SWT1: variants seen among roughly 807,000 people sequenced by gnomAD.
SWT1 encodes the protein SWT1 RNA endoribonuclease homolog.
In SWT1, 33 loss-of-function variants were observed where a neutral mutation model predicts 107.3. That is an observed-to-expected ratio of 0.31 (90% confidence interval 0.23 to 0.41). The LOEUF is 0.41. Ranked by LOEUF, SWT1 falls within the 10% of genes least tolerant of loss-of-function variation. The pLI, the probability that SWT1 is intolerant of heterozygous loss-of-function variation, is 1.00. For missense variants in SWT1, 898 were observed against 1,028.9 expected, an observed-to-expected ratio of 0.87 and a Z score of 1.74; for synonymous variants, 345 against 348.3, an observed-to-expected ratio of 0.99 and a Z score of 0.11.
intron 15 of SWT1, among the ~76,000 whole-genome samples, chr1:185,230,961 C>G (rs1660468532): frequency 6.6e-6 from 1 of 152,142 alleles, no homozygotes; most frequent in Non-Finnish European, 1.5e-5. Context: ...GTTGCCTAGG[C>G]AGGTCTCAAA....
At chr1:185,162,945 G>A (rs191314245) in intron 2 of SWT1, among the ~76,000 whole-genome samples, 4 of 151,714 alleles carry the variant, frequency 2.6e-5, no homozygotes, top group African/African-American at 7.2e-5. Context: ...GAGCAGCAGA[G>A]CAAGACCCCA....
intron 18 of SWT1, among the ~76,000 whole-genome samples, chr1:185,279,623 A>G (rs978730162): frequency 6.6e-6 from 1 of 151,784 alleles, no homozygotes; most frequent in Non-Finnish European, 1.5e-5. Flanking sequence ...TTATTTGCCA[A>G]TATTTAGAGT....
At chr1:185,254,278 A>G (rs1662294100) in intron 16 of SWT1, among the ~76,000 whole-genome samples, 1 of 130,096 alleles carries the variant, frequency 7.7e-6, no homozygotes, top group Non-Finnish European at 1.6e-5. Flanking sequence ...TGGTATCAGA[A>G]TGATGCTGGC....
intron 18 of SWT1, among the ~76,000 whole-genome samples, chr1:185,284,865 G>C (rs143293060): frequency 1.2e-3 from 179 of 152,060 alleles, no homozygotes; most frequent in African/African-American, 4.0e-3. Flanking sequence ...AATTTAAACA[G>C]GCTTGCATTC....
chr1:185,222,023 A>C lies in SWT1; in HGVS notation c.2296A>C (p.Ile766Leu). The C allele has an allele frequency of 1.2e-5, 18 of 1,562,078 alleles. No individual in the cohort carries two copies. Among genetic ancestry groups the C allele is most frequent in the Non-Finnish European group, 1.6e-5 (18 of 1,161,074 alleles). ...TATCCTAGAGAGTGTTTGGATTACA[A>C]TATATCAGAACAGGTACTAAATTTG... ...WSILESVWIT[I>L]YQNSTDVFQR... is the part of the protein sequence containing the mutation. Residue 766 changes from isoleucine (I) to leucine (L), a missense_variant, in exon 15 of 19, where the codon ATA becomes CTA. Around this residue, in one of 6 missense-constraint regions of SWT1, gnomAD observed 382 missense variants for 460.0 expected, o/e 0.83. Transcript: ENST00000367500.
chr1:185,269,992 A>AGAT (rs576585026), intron 16 of SWT1, among the ~76,000 whole-genome samples: 13 of 152,306 alleles, frequency 8.5e-5, no homozygotes, highest in East Asian at 1.9e-4. Flanking sequence ...CATCTTTATT[A>AGAT]GATGATGATG....
chr1:185,256,782 G>A (rs997230725), intron 16 of SWT1, among the ~76,000 whole-genome samples: 2 of 152,114 alleles, frequency 1.3e-5, no homozygotes, highest in Non-Finnish European at 2.9e-5. Flanking sequence ...TTCTCAGCTC[G>A]TCAAAGTCAT....
intron 16 of SWT1, among the ~76,000 whole-genome samples, chr1:185,251,825 G>A (rs893866443): frequency 7.1e-4 from 108 of 151,064 alleles, no homozygotes; most frequent in African/African-American, 2.5e-3. Context: ...TTAAATTTTA[G>A]GGTACATGTG....
At chr1:185,234,667 T>C (rs1282113799) in intron 16 of SWT1, among the ~76,000 whole-genome samples, 1 of 152,194 alleles carries the variant, frequency 6.6e-6, no homozygotes, top group Non-Finnish European at 1.5e-5. Flanking sequence ...TGTTAGCTGG[T>C]TTTCTTTGCC....
chr1:185,178,712 C>T (rs1011667216), intron 5 of SWT1, among the ~76,000 whole-genome samples: 2 of 152,092 alleles, frequency 1.3e-5, no homozygotes, highest in African/African-American at 4.8e-5. Context: ...GCCACAAGTT[C>T]TGTTAATAAT....
intron 18 of SWT1, among the ~76,000 whole-genome samples, chr1:185,282,258 A>T (rs1278697423): frequency 6.6e-6 from 1 of 151,862 alleles, no homozygotes; most frequent in Non-Finnish European, 1.5e-5. Flanking sequence ...ACCCTTTTGA[A>T]CTCTGTTGAG....
chr1:185,187,053 C>CA (rs1553253454), intron 9 of SWT1, among the ~76,000 whole-genome samples: 2 of 118,772 alleles, frequency 1.7e-5, no homozygotes, highest in Non-Finnish European at 3.3e-5. Context: ...CCGCGCCCAG[C>CA]TTTTTTTTTT....
At chr1:185,199,774 A>G (rs1044409685) in intron 10 of SWT1, among the ~76,000 whole-genome samples, 1 of 152,016 alleles carries the variant, frequency 6.6e-6, no homozygotes, top group Non-Finnish European at 1.5e-5. Flanking sequence ...GTATTTTCTG[A>G]ATTTGAATGT....
chr1:185,236,154 A>G (rs1010873701), intron 16 of SWT1, among the ~76,000 whole-genome samples: 2 of 152,238 alleles, frequency 1.3e-5, no homozygotes, highest in Non-Finnish European at 1.5e-5. Flanking sequence ...TGCTATTCCG[A>G]TCAAGCTACC....
upstream of SWT1, chr1:185,157,063 C>G (rs1194483430): frequency 3.5e-6 from 1 of 287,234 alleles, no homozygotes; most frequent in Non-Finnish European, 6.7e-6. Flanking sequence ...CCAAACCGAA[C>G]AAAGACTACA....
chr1:185,260,815 A>C (rs555141771), intron 16 of SWT1, among the ~76,000 whole-genome samples: 1 of 152,288 alleles, frequency 6.6e-6, no homozygotes, highest in African/African-American at 2.4e-5. Context: ...AACCATTCAT[A>C]ATAATATAAA....
intron 4 of SWT1, among the ~76,000 whole-genome samples, chr1:185,173,657 C>G (rs900580263): frequency 6.6e-6 from 1 of 151,774 alleles, no homozygotes; most frequent in African/African-American, 2.4e-5. Flanking sequence ...TGGAGTGAGC[C>G]AAGATCGCGC....
chr1:185,271,290 A>C (rs1223999912), intron 16 of SWT1, 33 bp from the exon 17 acceptor site: 1 of 1,146,684 alleles, frequency 8.7e-7, no homozygotes, highest in African/African-American at 1.5e-5. Flanking sequence ...GAAATCATTT[A>C]TTCCCCCCCT....
chr1:185,178,489 A>C (rs982187507), intron 5 of SWT1, among the ~76,000 whole-genome samples: 2 of 152,186 alleles, frequency 1.3e-5, no homozygotes, highest in Non-Finnish European at 2.9e-5. Context: ...CTTTGTTACG[A>C]TATTCCCTTT....
Sources: allele counts gnomAD v4.1 joint callset (sites outside exome capture counted in the v4.1 genomes callset), GRCh38; gene constraint gnomAD v4.1.1; regional missense constraint gnomAD v4.1.1; transcripts MANE v1.5; gene names NCBI Gene and HGNC (gene_info 2026-07-23, HGNC 2026-07-21).